Variants in REEP1 observed in about 807,000 individuals in gnomAD.
REEP1 encodes receptor expression-enhancing protein 1.
Under a neutral mutation model 40.3 loss-of-function variants are expected in REEP1, and 22 were observed. The ratio of observed to expected loss-of-function variants is 0.55; its 90% CI spans 0.39 to 0.78. REEP1 has a LOEUF of 0.78. Among genes scored for constraint, REEP1 ranks in the 30% least tolerant of loss-of-function variants. The pLI is 0.00. For synonymous variants in REEP1, 116 were observed against 139.2 expected (o/e 0.83, Z 1.17); for missense variants, 280 against 361.1 (o/e 0.78, Z 1.82).
chr2:86,223,826 G>A (rs1163063623), intron 7 of REEP1: 2 of 152,062 alleles, frequency 1.3e-5, no homozygotes, highest in Non-Finnish European at 2.9e-5. Flanking sequence ...TTAAAAGGGG[G>A]GGAGGGACAC....
chr2:86,318,939 T>C (rs1333888199), intron 1 of REEP1, among the ~76,000 whole-genome samples: 1 of 152,168 alleles, frequency 6.6e-6, no homozygotes, highest in Non-Finnish European at 1.5e-5. Flanking sequence ...AAATCAAAAG[T>C]GTAATCAATA....
intron 3 of REEP1, 27 bp downstream of exon 3, chr2:86,263,938 A>T: frequency 6.3e-7 from 1 of 1,581,708 alleles, no homozygotes; most frequent in Admixed American, 1.7e-5. Context: ...TTGTCCTTAG[A>T]AACATCCCAA....
chr2:86,280,024 G>T, intron 2 of REEP1: 1 of 456,334 alleles, frequency 2.2e-6, no homozygotes, highest in Non-Finnish European at 4.4e-6. Context: ...GACAGACCTG[G>T]TTTGGAAGAT....
chr2:86,290,746 C>T (rs778119478), intron 1 of REEP1, among the ~76,000 whole-genome samples: 10 of 152,176 alleles, frequency 6.6e-5, no homozygotes, highest in Non-Finnish European at 1.5e-4. Flanking sequence ...CAGGGAACAT[C>T]GTCACTCACG....
intron 1 of REEP1, among the ~76,000 whole-genome samples, chr2:86,323,054 C>T (rs1327695061): frequency 1.3e-5 from 2 of 152,028 alleles, no homozygotes; most frequent in African/African-American, 4.8e-5. Context: ...AAAAATTAGC[C>T]AAGCACAGTG....
At chr2:86,291,536 C>A (rs958265817) in intron 1 of REEP1, among the ~76,000 whole-genome samples, 7 of 152,124 alleles carry the variant, frequency 4.6e-5, no homozygotes, top group African/African-American at 1.7e-4. Flanking sequence ...AACACATACA[C>A]AACTCTTCCT....
intron 5 of REEP1, chr2:86,240,143 C>T (rs942580473): frequency 2.0e-5 from 3 of 152,578 alleles, no homozygotes; most frequent in Non-Finnish European, 4.4e-5. Context: ...GGAGCCATGT[C>T]CTCACCTCTT....
intron 7 of REEP1, among the ~76,000 whole-genome samples, chr2:86,226,075 T>TCACCCCCACCAC (rs1674665572): frequency 8.9e-6 from 1 of 111,792 alleles, no homozygotes; most frequent in Non-Finnish European, 1.9e-5. Context: ...CTCCAGGCTA[T>TCACCCCCACCAC]CACCACCACC....
At chr2:86,219,928 TG>T in intron 8 of REEP1, 41 bp downstream of exon 8, 1 of 1,231,388 alleles carries the variant, frequency 8.1e-7, no homozygotes. Flanking sequence ...GCATAGCCTT[TG>T]GACAAACACA....
chr2:86,280,672 A>G (rs1184378698), intron 2 of REEP1, among the ~76,000 whole-genome samples: 1 of 152,180 alleles, frequency 6.6e-6, no homozygotes, highest in Admixed American at 6.5e-5. Flanking sequence ...ATTCCCTCAC[A>G]TATACCACAG....
intron 6 of REEP1, among the ~76,000 whole-genome samples, chr2:86,230,328 A>G (rs928962187): frequency 1.3e-5 from 2 of 152,202 alleles, no homozygotes; most frequent in Non-Finnish European, 2.9e-5. Context: ...TGAATAATTC[A>G]CCAGGGGAGG....
In REEP1 at chr2:86,225,777, T is replaced by C. The variant is rs1193619314; in HGVS notation, c.631+1586A>G. On this transcript the variant is annotated intron_variant, in intron 7 of 8. Coordinates refer to ENST00000538924, the MANE Select transcript of REEP1 (RefSeq NM_001371279.1). ...ACCTTGCGTGCCTTCCTTCCTCCCC[T>C]GACACCAGCCAGCAGGCTGCAGGCC... 2.6e-5 allele frequency among the ~76,000 whole-genome samples: 4 copies of C among 152,240 alleles called. No homozygotes were observed. In the East Asian group the frequency reaches 7.7e-4, roughly 29 times the overall value.
At chr2:86,333,387 T>G (rs1009281753) in intron 1 of REEP1, among the ~76,000 whole-genome samples, 7 of 152,208 alleles carry the variant, frequency 4.6e-5, no homozygotes, top group Non-Finnish European at 7.3e-5. Flanking sequence ...AAACTAAGAC[T>G]CTGTCTTGAT....
intron 1 of REEP1, among the ~76,000 whole-genome samples, chr2:86,325,249 T>TA (rs1213169791): frequency 2.0e-5 from 3 of 152,118 alleles, no homozygotes; most frequent in African/African-American, 7.2e-5. Flanking sequence ...TCCTGTCTTT[T>TA]AAAAAAAATT....
At chr2:86,259,037 G>A (rs992432667) in intron 3 of REEP1, among the ~76,000 whole-genome samples, 5 of 152,178 alleles carry the variant, frequency 3.3e-5, no homozygotes, top group African/African-American at 1.2e-4. Flanking sequence ...GCCAGGCACG[G>A]TGGCTCATGC....
intron 5 of REEP1, among the ~76,000 whole-genome samples, chr2:86,245,688 C>T (rs1436764451): frequency 6.6e-6 from 1 of 152,000 alleles, no homozygotes; most frequent in Non-Finnish European, 1.5e-5. Flanking sequence ...TAACCTGTCT[C>T]TTCTCATTCC....
At position 86,252,876 on chromosome 2, in the gene REEP1, T is replaced by C. The variant is rs563521212; in HGVS notation, c.304-806A>G. Among the ~76,000 whole-genome samples, 10 of 152,360 alleles carry C rather than the reference T, an allele frequency of 6.6e-5. No individual in the cohort carries two copies. In the South Asian group the frequency reaches 1.0e-3, roughly 16 times the overall value. ...GATGGAAAACAGGATTGAGGTCTTC[T>C]TCAGGGACCAAAGCCAAGTACAATA... On this transcript the variant is annotated intron_variant, in intron 4 of 8. Coordinates refer to ENST00000538924, the MANE Select transcript of REEP1 (RefSeq NM_001371279.1).
Position 86,286,259 on chromosome 2 carries a change from G to A in REEP1, c.33-4017C>T, listed in dbSNP as rs1023799308. ...ACTCTGATGCAGTGGTTCCCCACTG[G>A]GGTGATCTCGTTTCCCAGGGTAATC... On this transcript the variant is annotated intron_variant, in intron 1 of 8. Transcript: ENST00000538924. 2.0e-5 allele frequency among the ~76,000 whole-genome samples: 3 copies of A among 152,320 alleles called. No homozygotes were observed. The South Asian group carries it at 6.2e-4, about 32-fold the overall frequency.
intron 1 of REEP1, among the ~76,000 whole-genome samples, chr2:86,326,462 C>T (rs1680506591): frequency 6.6e-6 from 1 of 152,176 alleles, no homozygotes; most frequent in Non-Finnish European, 1.5e-5. Context: ...CCTGTAATCC[C>T]AGCACTTTGG....
Sources: gnomAD v4.1 joint callset for allele counts (sites outside exome capture counted in the v4.1 genomes callset) on GRCh38, gnomAD v4.1.1 for gene constraint, MANE v1.5 for transcripts, NCBI Gene and HGNC (gene_info 2026-07-23, HGNC 2026-07-21) for gene names.